The following ROBO2 variants were observed in gnomAD, a reference collection of about 807,000 sequenced individuals.
The protein encoded by ROBO2 is roundabout guidance receptor 2.
In ROBO2, 53 loss-of-function variants were observed where a neutral mutation model predicts 160.8. That is an observed-to-expected ratio of 0.33 (90% CI 0.26 to 0.41). The LOEUF is 0.41. ROBO2 is among the 10% of genes least tolerant of loss of function. The pLI is 1.00. For missense variants in ROBO2, 1,577 were observed against 1,722.4 expected, an observed-to-expected ratio of 0.92 and a Z score of 1.49; for synonymous variants, 664 against 611.7, an observed-to-expected ratio of 1.09 and a Z score of -1.26.
intron 2 of ROBO2, among the ~76,000 whole-genome samples, chr3:76,631,578 T>TAAGA (rs1311342886): frequency 6.6e-6 from 1 of 152,136 alleles, no homozygotes; most frequent in Non-Finnish European, 1.5e-5. Flanking sequence ...ATTGTAAACA[T>TAAGA]AAGATCGTAA....
intron 2 of ROBO2, among the ~76,000 whole-genome samples, chr3:76,125,530 A>G (rs1034516825): frequency 1.3e-5 from 2 of 151,946 alleles, no homozygotes; most frequent in Non-Finnish European, 2.9e-5. Flanking sequence ...CTTTTTAACA[A>G]CAGCCATTCT....
chr3:77,268,940 T>G (rs1307090537), intron 2 of ROBO2, among the ~76,000 whole-genome samples: 2 of 152,172 alleles, frequency 1.3e-5, no homozygotes, highest in Non-Finnish European at 2.9e-5. Context: ...TTGTAATAAT[T>G]AGCTTCCCAG....
intron 2 of ROBO2, among the ~76,000 whole-genome samples, chr3:76,803,522 G>A (rs116604540): frequency 6.9e-4 from 103 of 150,066 alleles, no homozygotes; most frequent in African/African-American, 2.3e-3. Context: ...AGAGGGAGGC[G>A]AGAAAAAAGA....
intron 2 of ROBO2, among the ~76,000 whole-genome samples, chr3:76,211,766 G>A (rs550614054): frequency 1.3e-5 from 2 of 152,110 alleles, no homozygotes; most frequent in African/African-American, 2.4e-5. Context: ...GTCTTTCAAT[G>A]ATGGATAAAA....
At chr3:76,536,128 G>A (rs1018048255) in intron 2 of ROBO2, among the ~76,000 whole-genome samples, 2 of 152,182 alleles carry the variant, frequency 1.3e-5, no homozygotes, top group African/African-American at 4.8e-5. Context: ...CCTGGGAGAG[G>A]AGGTCCTGAA....
intron 2 of ROBO2, among the ~76,000 whole-genome samples, chr3:76,993,378 A>G (rs571985938): frequency 6.6e-6 from 1 of 152,342 alleles, no homozygotes; most frequent in African/African-American, 2.4e-5. Flanking sequence ...AGAGGAAATG[A>G]TCCCCAAAGT....
chr3:77,136,479 CT>C (rs59688881), intron 2 of ROBO2, among the ~76,000 whole-genome samples: 7,941 of 67,820 alleles, frequency 0.12, 386 homozygotes, highest in East Asian at 0.18. Flanking sequence ...ATAAAATATG[CT>C]TTTTTTTTTT....
chr3:77,327,085 C>T (rs1332992066), intron 2 of ROBO2, among the ~76,000 whole-genome samples: 2 of 152,176 alleles, frequency 1.3e-5, no homozygotes, highest in African/African-American at 4.8e-5. Context: ...AAGTCATAGA[C>T]AATTTAGAAC....
At chr3:77,350,289 G>A (rs942844942) in intron 2 of ROBO2, among the ~76,000 whole-genome samples, 3 of 151,960 alleles carry the variant, frequency 2.0e-5, no homozygotes, top group African/African-American at 7.3e-5. Flanking sequence ...CCAGGAGGTT[G>A]AGGCTGCAGT....
intron 2 of ROBO2, among the ~76,000 whole-genome samples, chr3:76,912,405 T>G (rs548331424): frequency 6.6e-6 from 1 of 152,302 alleles, no homozygotes; most frequent in African/African-American, 2.4e-5. Flanking sequence ...GCAATAATAA[T>G]AAAAATCACA....
At chr3:76,238,101 C>G (rs973717019) in intron 2 of ROBO2, among the ~76,000 whole-genome samples, 1 of 152,204 alleles carries the variant, frequency 6.6e-6, no homozygotes, top group Middle Eastern at 3.4e-3. Flanking sequence ...ACTTTTTGAC[C>G]ATTTAAAGGA....
chr3:76,586,194 C>T (rs1211183996), intron 2 of ROBO2, among the ~76,000 whole-genome samples: 3 of 152,170 alleles, frequency 2.0e-5, no homozygotes, highest in South Asian at 2.1e-4. Flanking sequence ...TGCAAAAGTG[C>T]ACAGCTGAAA....
chr3:76,741,582 A>G (rs2093802589), intron 2 of ROBO2, among the ~76,000 whole-genome samples: 1 of 152,096 alleles, frequency 6.6e-6, no homozygotes, highest in East Asian at 1.9e-4. Flanking sequence ...TAATAAAAAC[A>G]GACTTTCATT....
chr3:77,134,158 T>A (rs144432193), intron 2 of ROBO2, among the ~76,000 whole-genome samples: 2,527 of 151,648 alleles, frequency 0.017, 31 homozygotes, highest in African/African-American at 0.028. Flanking sequence ...CCTGGGCAAC[T>A]AGAGTGAAAC....
intron 17 of ROBO2, among the ~76,000 whole-genome samples, chr3:77,590,744 G>A: frequency 6.6e-6 from 1 of 152,004 alleles, no homozygotes; most frequent in East Asian, 1.9e-4. Flanking sequence ...ATCTCTCATA[G>A]TTGGTAAGTT....
At chr3:76,582,926 G>C (rs1405095136) in intron 2 of ROBO2, among the ~76,000 whole-genome samples, 1 of 151,256 alleles carries the variant, frequency 6.6e-6, no homozygotes, top group African/African-American at 2.4e-5. Flanking sequence ...TTACTTCTTT[G>C]CTACATAGAG....
At chr3:76,776,167 C>T (rs1266742611) in intron 2 of ROBO2, among the ~76,000 whole-genome samples, 1 of 150,900 alleles carries the variant, frequency 6.6e-6, no homozygotes, top group Non-Finnish European at 1.5e-5. Context: ...CAAAGAAAAG[C>T]ATGCACATTA....
chr3:77,008,295 G>A (rs888984664), intron 2 of ROBO2, among the ~76,000 whole-genome samples: 3 of 152,138 alleles, frequency 2.0e-5, no homozygotes, highest in African/African-American at 7.2e-5. Flanking sequence ...TTATAGGAAA[G>A]AGAAAACAGT....
chr3:76,356,014 A>C (rs537055683), intron 2 of ROBO2, among the ~76,000 whole-genome samples: 1 of 151,884 alleles, frequency 6.6e-6, no homozygotes, highest in African/African-American at 2.4e-5. Context: ...GAAGGCCTCA[A>C]GAAAACAGAG....
Sources: gnomAD v4.1 joint callset for allele counts (sites outside exome capture counted in the v4.1 genomes callset) on GRCh38, gnomAD v4.1.1 for gene constraint, MANE v1.5 for transcripts, NCBI Gene and HGNC (gene_info 2026-07-23, HGNC 2026-07-21) for gene names.